TRMT11: variants seen among roughly 807,000 people sequenced by gnomAD.
TRMT11 encodes tRNA methyltransferase 11, also known as tRNA (guanine(10)-N(2))-methyltransferase TRMT11.
In TRMT11, 53 loss-of-function variants were observed where a neutral mutation model predicts 62.8. The observed-to-expected ratio is 0.84, with a 90% CI of 0.68 to 1.06. TRMT11 has a LOEUF of 1.06. Among genes scored for constraint, TRMT11 ranks in the 50% least tolerant of loss-of-function variants. The probability of loss-of-function intolerance (pLI) is 0.00; values close to 1 mark genes in which losing one functional copy is unlikely to be tolerated. For synonymous variants in TRMT11, 188 were observed against 190.3 expected, an observed-to-expected ratio of 0.99 and a Z score of 0.10; for missense variants, 556 against 553.4, an observed-to-expected ratio of 1.00 and a Z score of -0.05.
At chr6:126,065,405 C>A (rs1776660130) in intron 17 of TRMT11, among the ~76,000 whole-genome samples, 1 of 152,056 alleles carries the variant, frequency 6.6e-6, no homozygotes, top group African/African-American at 2.4e-5. Context: ...AGGATACCCT[C>A]TTCGTGTTTC....
At chr6:126,226,930 A>C in the TRMT11 span, among the ~76,000 whole-genome samples, 1 of 152,064 alleles carries the variant, frequency 6.6e-6, no homozygotes, top group Non-Finnish European at 1.5e-5. Flanking sequence ...ATGAAATCTA[A>C]TGGTTCTATA....
chr6:126,065,424 G>T (rs1776660931), intron 17 of TRMT11, among the ~76,000 whole-genome samples: 1 of 151,964 alleles, frequency 6.6e-6, no homozygotes, highest in Non-Finnish European at 1.5e-5. Context: ...TCACTCACTG[G>T]TAGTGACCTG....
chr6:126,193,594 G>A (rs9482725), intron 1 of TRMT11, among the ~76,000 whole-genome samples: 5,178 of 142,962 alleles, frequency 0.036, 313 homozygotes, highest in African/African-American at 0.13. Context: ...CCAGGTTCAC[G>A]CCATTCTCCT....
intron 17 of TRMT11, among the ~76,000 whole-genome samples, chr6:126,093,604 TATATATATATATATATATATATATATA>T (rs1777301520): frequency 4.6e-5 from 4 of 87,380 alleles, no homozygotes; most frequent in Non-Finnish European, 8.6e-5. Context: ...TATATATATA[TATATATATATATATATATATATATATA>T]TTTTCCCCCA....
intron 21 of TRMT11, among the ~76,000 whole-genome samples, chr6:126,141,645 C>G (rs1235226430): frequency 6.6e-6 from 1 of 152,070 alleles, no homozygotes; most frequent in Non-Finnish European, 1.5e-5. Context: ...ACACAGTTAA[C>G]CAACTTAAAT....
At chr6:126,134,867 A>T (rs563929505) in intron 21 of TRMT11, among the ~76,000 whole-genome samples, 2 of 152,006 alleles carry the variant, frequency 1.3e-5, no homozygotes, top group South Asian at 4.1e-4. Flanking sequence ...AAATACATGG[A>T]AATTAGGCAA....
At chr6:126,078,907 G>A (rs1051312578) in intron 17 of TRMT11, among the ~76,000 whole-genome samples, 1 of 152,266 alleles carries the variant, frequency 6.6e-6, no homozygotes, top group Middle Eastern at 3.4e-3. Flanking sequence ...AATTTTCTGC[G>A]TGTTCTGCAT....
At chr6:126,155,851 G>C (rs2128225459) in intron 21 of TRMT11, among the ~76,000 whole-genome samples, 1 of 152,166 alleles carries the variant, frequency 6.6e-6, no homozygotes, top group South Asian at 2.1e-4. Flanking sequence ...CTTCCAAGTA[G>C]CTGGGACTAC....
intron 21 of TRMT11, among the ~76,000 whole-genome samples, chr6:126,135,768 C>T (rs1160696192): frequency 6.6e-6 from 1 of 151,590 alleles, no homozygotes; most frequent in Non-Finnish European, 1.5e-5. Flanking sequence ...TTCAACAACC[C>T]GTTAAAAAAA....
At chr6:126,042,918 G>C (rs1332760817), downstream of TRMT11, among the ~76,000 whole-genome samples, 7 of 152,104 alleles carry the variant, frequency 4.6e-5, no homozygotes, top group Non-Finnish European at 7.4e-5. Context: ...TTATTGATGA[G>C]TTTTAAAAAT....
intron 1 of TRMT11, among the ~76,000 whole-genome samples, chr6:126,182,697 T>C (rs766667114): frequency 1.3e-5 from 2 of 152,110 alleles, no homozygotes; most frequent in Non-Finnish European, 2.9e-5. Flanking sequence ...CCTTCATTCC[T>C]GTGCAGGTAG....
intron 17 of TRMT11, among the ~76,000 whole-genome samples, chr6:126,083,556 CAG>C (rs1349549708): frequency 1.3e-5 from 2 of 152,030 alleles, no homozygotes; most frequent in Non-Finnish European, 2.9e-5. Context: ...AGATAGTAAA[CAG>C]ATTATTATAG....
the TRMT11 span, among the ~76,000 whole-genome samples, chr6:126,257,218 C>T: frequency 6.6e-6 from 1 of 151,666 alleles, no homozygotes; most frequent in Non-Finnish European, 1.5e-5. Flanking sequence ...GTTTTCTCAG[C>T]CTGTTTTCTG....
At chr6:126,138,703 T>C (rs1777880596) in intron 21 of TRMT11, among the ~76,000 whole-genome samples, 1 of 152,086 alleles carries the variant, frequency 6.6e-6, no homozygotes, top group East Asian at 1.9e-4. Context: ...CTGTTTGACA[T>C]TTCTGAGAAA....
At chr6:126,182,947 C>T (rs1455909751) in intron 1 of TRMT11, among the ~76,000 whole-genome samples, 1 of 152,010 alleles carries the variant, frequency 6.6e-6, no homozygotes, top group African/African-American at 2.4e-5. Flanking sequence ...ATTTCAGGCC[C>T]ATTTCAACTG....
At chr6:126,151,184 T>C (rs1434510411) in intron 21 of TRMT11, among the ~76,000 whole-genome samples, 1 of 152,224 alleles carries the variant, frequency 6.6e-6, no homozygotes, top group Non-Finnish European at 1.5e-5. Flanking sequence ...TGTAAATGTA[T>C]GTAAAGCACT....
At chr6:125,992,051 C>G (rs1286023971) in intron 1 of TRMT11, among the ~76,000 whole-genome samples, 1 of 152,180 alleles carries the variant, frequency 6.6e-6, no homozygotes, top group Admixed American at 6.5e-5. Context: ...AGAGTCTCAA[C>G]TGGAAAGTTG....
At chr6:126,088,251 G>A (rs1777236583) in intron 17 of TRMT11, among the ~76,000 whole-genome samples, 1 of 151,952 alleles carries the variant, frequency 6.6e-6, no homozygotes, top group Admixed American at 6.6e-5. Flanking sequence ...ACTATTAATG[G>A]AAACAAAAAT....
chr6:126,201,183 G>A (rs561223097), intron 3 of TRMT11, among the ~76,000 whole-genome samples: 2 of 152,266 alleles, frequency 1.3e-5, no homozygotes, highest in South Asian at 4.1e-4. Flanking sequence ...TGATGTATCT[G>A]GAATAGCCAT....
Sources: gnomAD v4.1 joint callset for allele counts (sites outside exome capture counted in the v4.1 genomes callset) on GRCh38, gnomAD v4.1.1 for gene constraint, MANE v1.5 for transcripts, NCBI Gene and HGNC (gene_info 2026-07-23, HGNC 2026-07-21) for gene names.